The following LOC122539214 variants were observed in gnomAD, a reference collection of about 807,000 sequenced individuals.
chr19:52,681,280 CAA>C, the LOC122539214 span, among the ~76,000 whole-genome samples: 631 of 75,416 alleles, frequency 8.4e-3, 6 homozygotes, highest in South Asian at 0.036. Flanking sequence ...GAGACTTTCT[CAA>C]AAAAAAAAAA....
chr19:52,661,052 A>G, the LOC122539214 span, among the ~76,000 whole-genome samples: 1 of 152,084 alleles, frequency 6.6e-6, no homozygotes, highest in African/African-American at 2.4e-5. Context: ...TTTAGTAGAC[A>G]TGGGGTTTCA....
chr19:52,652,810 T>C, the LOC122539214 span: 16 of 910,798 alleles, frequency 1.8e-5, no homozygotes, highest in South Asian at 1.8e-4. Flanking sequence ...ATTGCACTTA[T>C]AAGGATTTTC....
At chr19:52,672,318 A>G in the LOC122539214 span, among the ~76,000 whole-genome samples, 1 of 152,378 alleles carries the variant, frequency 6.6e-6, no homozygotes, top group Non-Finnish European at 1.5e-5. Context: ...CTGTAAGTTA[A>G]CATGTACTAT....
chr19:52,671,824 G>A, the LOC122539214 span, among the ~76,000 whole-genome samples: 1 of 152,286 alleles, frequency 6.6e-6, no homozygotes, highest in Admixed American at 6.5e-5. Context: ...TATAAAATAT[G>A]CAGTCTTTAA....
chr19:52,672,652 T>G, the LOC122539214 span, among the ~76,000 whole-genome samples: 1 of 152,182 alleles, frequency 6.6e-6, no homozygotes, highest in Admixed American at 6.5e-5. Flanking sequence ...TAGGCTGGGG[T>G]GCAATGGCAC....
the LOC122539214 span, chr19:52,652,843 C>T: frequency 5.7e-4 from 547 of 959,074 alleles, 2 homozygotes; most frequent in African/African-American, 7.7e-3. Context: ...TCTATGATGG[C>T]ATACAAAGGA....
the LOC122539214 span, chr19:52,674,342 T>C: frequency 2.0e-5 from 3 of 152,128 alleles, no homozygotes; most frequent in Admixed American, 1.3e-4. Context: ...TCAGGAAAAA[T>C]TGAATGCTTT....
chr19:52,653,632 CCA>C, the LOC122539214 span, among the ~76,000 whole-genome samples: 1 of 152,172 alleles, frequency 6.6e-6, no homozygotes, highest in East Asian at 1.9e-4. Flanking sequence ...GAAGGTCTTA[CCA>C]CACTCATTAC....
At chr19:52,664,990 A>T in the LOC122539214 span, among the ~76,000 whole-genome samples, 2 of 152,138 alleles carry the variant, frequency 1.3e-5, no homozygotes, top group African/African-American at 4.8e-5. Context: ...AATTAATTTT[A>T]GCAATTTAAT....
the LOC122539214 span, among the ~76,000 whole-genome samples, chr19:52,677,173 C>A: frequency 2.0e-5 from 3 of 149,614 alleles, no homozygotes; most frequent in South Asian, 4.3e-4. Context: ...AAGATACAAT[C>A]AAAAAAACAA....
At chr19:52,684,931 G>A in the LOC122539214 span, among the ~76,000 whole-genome samples, 24 of 152,290 alleles carry the variant, frequency 1.6e-4, no homozygotes, top group South Asian at 1.2e-3. Context: ...TGGGGAACAC[G>A]GGAAGCCGGT....
the LOC122539214 span, chr19:52,652,293 A>G: frequency 4.2e-6 from 1 of 236,904 alleles, no homozygotes; most frequent in Non-Finnish European, 8.3e-6. Context: ...AAAATTAGCC[A>G]GGCTTGGTGG....
At chr19:52,651,059 T>G in the LOC122539214 span, 1 of 152,238 alleles carries the variant, frequency 6.6e-6, no homozygotes, top group African/African-American at 2.4e-5. Context: ...GAACTGTGCA[T>G]GTCTCCCTAT....
chr19:52,685,544 G>C, the LOC122539214 span, among the ~76,000 whole-genome samples: 6 of 152,202 alleles, frequency 3.9e-5, no homozygotes, highest in South Asian at 8.3e-4. Flanking sequence ...AATTGACCTT[G>C]AAAACAGGGA....
At chr19:52,683,954 G>A in the LOC122539214 span, among the ~76,000 whole-genome samples, 2 of 152,104 alleles carry the variant, frequency 1.3e-5, no homozygotes, top group African/African-American at 2.4e-5. Flanking sequence ...GTGTTTCTGG[G>A]CGGGCACAGT....
chr19:52,682,441 G>A, the LOC122539214 span, among the ~76,000 whole-genome samples: 2 of 152,032 alleles, frequency 1.3e-5, no homozygotes, highest in Non-Finnish European at 2.9e-5. Context: ...GGGAGGCTGA[G>A]GTGGGCAGAT....
At chr19:52,670,688 C>G in the LOC122539214 span, among the ~76,000 whole-genome samples, 3 of 152,134 alleles carry the variant, frequency 2.0e-5, no homozygotes, top group East Asian at 5.8e-4. Flanking sequence ...AACATATGTC[C>G]AAGGTGATGG....
chr19:52,652,891 T>C, the LOC122539214 span: 1 of 1,082,074 alleles, frequency 9.2e-7, no homozygotes, highest in East Asian at 2.6e-5. Flanking sequence ...CTCATTGCAC[T>C]TGTAAGGTTT....
chr19:52,655,541 A>G, the LOC122539214 span: 302 of 1,473,400 alleles, frequency 2.0e-4, 2 homozygotes, highest in South Asian at 3.1e-3. Context: ...TCCTCACATC[A>G]GGAGGGACAT....
Sources: allele counts gnomAD v4.1 joint callset (sites outside exome capture counted in the v4.1 genomes callset), GRCh38; gene constraint gnomAD v4.1.1; transcripts MANE v1.5.